Variants in OCA2 observed in about 807,000 individuals in gnomAD.
OCA2 encodes OCA2 melanosomal transmembrane protein.
A neutral mutation model predicts 100.2 loss-of-function variants in OCA2; 77 were observed. The ratio of observed to expected loss-of-function variants is 0.77; its 90% CI spans 0.64 to 0.93. The LOEUF (loss-of-function observed/expected upper bound fraction) is 0.93, where lower values mean the gene tolerates loss of function less well. Among genes scored for constraint, OCA2 ranks in the 40% least tolerant of loss-of-function variants. The pLI is 0.00. For synonymous variants in OCA2, 432 were observed against 439.2 expected, an observed-to-expected ratio of 0.98 and a Z score of 0.21; for missense variants, 1,062 against 1,089.1, an observed-to-expected ratio of 0.98 and a Z score of 0.35.
At chr15:28,024,941 C>T (rs751919543) in intron 4 of OCA2, 39 bp from the exon 5 acceptor site, 3 of 1,603,294 alleles carry the variant, frequency 1.9e-6, no homozygotes, top group Non-Finnish European at 1.7e-6. Context: ...GCAAGGGCAG[C>T]AGTCCTGTTG....
At chr15:27,991,421 A>G (rs753998125) in intron 9 of OCA2, among the ~76,000 whole-genome samples, 1 of 152,242 alleles carries the variant, frequency 6.6e-6, no homozygotes, top group Non-Finnish European at 1.5e-5. Context: ...AAAATGCGGC[A>G]CAGCTCGTGC....
chr15:27,781,802 T>A (rs1410873780), intron 23 of OCA2, among the ~76,000 whole-genome samples: 2 of 152,180 alleles, frequency 1.3e-5, no homozygotes, highest in Non-Finnish European at 2.9e-5. Context: ...CATACTGACA[T>A]TAAAATTATA....
chr15:28,078,505 C>A (rs1317070226), intron 2 of OCA2, among the ~76,000 whole-genome samples: 1 of 152,202 alleles, frequency 6.6e-6, no homozygotes, highest in Non-Finnish European at 1.5e-5. Context: ...ATGGAGTGGG[C>A]CCCTGGCAAT....
At chr15:27,758,701 C>T (rs150609702) in intron 23 of OCA2, among the ~76,000 whole-genome samples, 6 of 152,048 alleles carry the variant, frequency 3.9e-5, no homozygotes, top group East Asian at 1.9e-4. Flanking sequence ...AAAACTCTAA[C>T]GGAATGGGCA....
intron 19 of OCA2, among the ~76,000 whole-genome samples, chr15:27,902,825 C>A (rs752669094): frequency 4.6e-5 from 7 of 152,212 alleles, no homozygotes; most frequent in Non-Finnish European, 7.3e-5. Flanking sequence ...GGGAGGCGGG[C>A]AGGCGCAGAG....
chr15:27,770,773 C>CATT (rs2031684916), intron 23 of OCA2, among the ~76,000 whole-genome samples: 8 of 68,430 alleles, frequency 1.2e-4, no homozygotes, highest in Admixed American at 9.8e-4. Flanking sequence ...TCCCTCCCTC[C>CATT]CTTCCATCCT....
At chr15:27,915,792 G>A (rs1305782570) in intron 19 of OCA2, among the ~76,000 whole-genome samples, 2 of 152,130 alleles carry the variant, frequency 1.3e-5, no homozygotes, top group Non-Finnish European at 2.9e-5. Flanking sequence ...AATGTGGAGA[G>A]CAGTTTGGAG....
intron 8 of OCA2, 71 bp from the exon 9 acceptor site, chr15:28,015,000 TG>T (rs2042346913): frequency 2.0e-6 from 3 of 1,508,430 alleles, no homozygotes; most frequent in Non-Finnish European, 1.8e-6. Flanking sequence ...GTATCAGCCA[TG>T]GCATTAACCA....
chr15:27,988,630 A>C (rs2041440316), intron 11 of OCA2, among the ~76,000 whole-genome samples: 1 of 152,200 alleles, frequency 6.6e-6, no homozygotes, highest in Admixed American at 6.5e-5. Context: ...CATTTATATT[A>C]TTTAAGCCAC....
intron 14 of OCA2, among the ~76,000 whole-genome samples, chr15:27,972,850 T>TG: frequency 7.4e-6 from 1 of 135,552 alleles, no homozygotes; most frequent in Non-Finnish European, 1.6e-5. Flanking sequence ...TTTATTTTAT[T>TG]TTATTTTATT....
rs972400378 is a variant in OCA2 at position 28,043,705 on chromosome 15, A to G, written c.228-11542T>C. On this transcript the variant is annotated intron_variant, in intron 2 of 23. Transcript: ENST00000354638. This position sits in a 1 kb window ranked among gnomAD's most constrained non-coding sequence, Gnocchi z 4.4. The stretch of plus-strand genomic sequence containing the variant: ...AAACCCGAGGGAAGAAATCAGACCA[A>G]CATTCACTCCAGTTAGCTGGAAAGC... Among the ~76,000 whole-genome samples the G allele has an allele frequency of 4.6e-5, 7 of 152,202 alleles. No individual in the cohort carries two copies. The highest frequency in any genetic ancestry group is 7.3e-5 in the Non-Finnish European group (5 of 68,038).
intron 23 of OCA2, among the ~76,000 whole-genome samples, chr15:27,777,202 A>G (rs1226414489): frequency 6.6e-6 from 1 of 152,072 alleles, no homozygotes; most frequent in African/African-American, 2.4e-5. Context: ...CCTTGTCACT[A>G]CTGCTGGACT....
chr15:28,003,650 G>A (rs1045006532), intron 9 of OCA2, among the ~76,000 whole-genome samples: 4 of 150,206 alleles, frequency 2.7e-5, no homozygotes, highest in African/African-American at 7.6e-5. Context: ...GCGCAGGGCA[G>A]TGTGCCCCCC....
chr15:27,844,316 C>T (rs919701638), intron 23 of OCA2, among the ~76,000 whole-genome samples: 2 of 152,156 alleles, frequency 1.3e-5, no homozygotes, highest in African/African-American at 2.4e-5. Flanking sequence ...TGCAACATTA[C>T]GGGGTCTTTG....
At position 27,844,989 on chromosome 15, in the gene OCA2, C is replaced by G; in HGVS notation, c.2402G>C (p.Gly801Ala). Residue 801 changes from glycine to alanine, a missense_variant, in exon 23 of 24, where the codon GGA becomes GCA. Physicochemically the swap from Gly to Ala is moderately conservative, Grantham distance 60 (BLOSUM62 0). Transcript: ENST00000354638. ...AAATTCCATGAAGGAGAACCCATAT[C>G]CATGCTGTTCTGCAATCCCTGCACA... ...VVCAGIAEQHGYGFSFMEFFR... is the reference protein window; with the variant it reads ...VVCAGIAEQHAYGFSFMEFFR... 6.2e-7 allele frequency: 1 copy of G among 1,613,488 alleles called. No individual in the cohort carries two copies. Among genetic ancestry groups the G allele is most frequent in the South Asian group, 1.1e-5 (1 of 91,054 alleles).
intron 23 of OCA2, among the ~76,000 whole-genome samples, chr15:27,838,352 A>G (rs1444129835): frequency 6.6e-6 from 1 of 152,238 alleles, no homozygotes; most frequent in African/African-American, 2.4e-5. Flanking sequence ...AAATGTAATC[A>G]GGGGCATTAA....
intron 23 of OCA2, among the ~76,000 whole-genome samples, chr15:27,836,824 AT>A: frequency 6.6e-6 from 1 of 152,166 alleles, no homozygotes; most frequent in South Asian, 2.1e-4. Context: ...TATTTTCTAG[AT>A]GGTTTATTCT....
chr15:27,756,769 G>A (rs1281603267), intron 23 of OCA2, among the ~76,000 whole-genome samples: 1 of 152,152 alleles, frequency 6.6e-6, no homozygotes, highest in Non-Finnish European at 1.5e-5. Flanking sequence ...CGGGTGCTGA[G>A]ACACCTGGCC....
At chr15:28,070,056 C>T (rs1181218726) in intron 2 of OCA2, among the ~76,000 whole-genome samples, 1 of 112,240 alleles carries the variant, frequency 8.9e-6, no homozygotes, top group African/African-American at 6.7e-5. Context: ...GCCCCGCCGC[C>T]CCATCTGGGA....
Sources: gnomAD v4.1 joint callset for allele counts (sites outside exome capture counted in the v4.1 genomes callset) on GRCh38, gnomAD v4.1.1 for gene constraint, Gnocchi (gnomAD v3.1) non-coding constraint, MANE v1.5 for transcripts, NCBI Gene and HGNC (gene_info 2026-07-23, HGNC 2026-07-21) for gene names.